Variants in TTC34 observed in about 807,000 individuals in gnomAD.
The protein encoded by TTC34 is tetratricopeptide repeat domain 34.
In TTC34, 44 loss-of-function variants were observed where a neutral mutation model predicts 40.7. That is an observed-to-expected ratio of 1.08 (90% CI 0.85 to 1.39). The LOEUF (loss-of-function observed/expected upper bound fraction) is 1.39, where lower values mean the gene tolerates loss of function less well. TTC34 is among the 40% of genes most tolerant of loss of function. The pLI is 0.00. For missense variants in TTC34, 884 were observed against 838.0 expected (o/e 1.05, Z -0.68); for synonymous variants, 422 against 398.6 (o/e 1.06, Z -0.70).
At chr1:2,656,371 C>CT (rs780302099) in intron 6 of TTC34, among the ~76,000 whole-genome samples, 3,685 of 57,874 alleles carry the variant, frequency 0.064, 1,182 homozygotes, top group South Asian at 0.098. Flanking sequence ...GAACAGCACC[C>CT]ACACCCACAG....
chr1:2,793,626 CGCTTTTTT>C (rs1038550684), intron 2 of TTC34, among the ~76,000 whole-genome samples: 3 of 152,120 alleles, frequency 2.0e-5, no homozygotes, highest in Non-Finnish European at 2.9e-5. Flanking sequence ...ACCTGGGATT[CGCTTTTTT>C]GCAAGGTGAG....
At chr1:2,756,662 C>CG (rs1641516199) in intron 6 of TTC34, among the ~76,000 whole-genome samples, 1 of 116,970 alleles carries the variant, frequency 8.5e-6, no homozygotes. Flanking sequence ...GAACAGCACC[C>CG]ACACCCCCAG....
At chr1:2,786,958 G>C (rs1643598639) in intron 4 of TTC34, among the ~76,000 whole-genome samples, 1 of 152,162 alleles carries the variant, frequency 6.6e-6, no homozygotes, top group Non-Finnish European at 1.5e-5. Flanking sequence ...CAGGCCCCAA[G>C]GCCTGAATCC....
At chr1:2,688,162 C>A in intron 6 of TTC34, among the ~76,000 whole-genome samples, 1 of 152,260 alleles carries the variant, frequency 6.6e-6, no homozygotes, top group Admixed American at 6.5e-5. Context: ...GGAAGGGCAC[C>A]CACACCCCCA....
At position 2,767,994 on chromosome 1, in the gene TTC34, C is replaced by A. The variant is rs1641834278; in HGVS notation, c.2226+15615G>T. On this transcript the variant is annotated intron_variant, in intron 6 of 8. Transcript: ENST00000401095. The stretch of plus-strand genomic sequence containing the variant: ...TCACAGGTGATGTGACTGCGTGGAA[C>A]AGCACGTCCCCTCAGGTGAGCATCT... 1.3e-5 allele frequency among the ~76,000 whole-genome samples: 2 copies of A among 150,590 alleles called. 1 individual carries two copies. The highest frequency in any genetic ancestry group is 3.0e-5 in the Non-Finnish European group (2 of 67,540).
intron 6 of TTC34, among the ~76,000 whole-genome samples, chr1:2,646,881 C>G (rs1267258762): frequency 1.3e-5 from 2 of 152,206 alleles, no homozygotes; most frequent in African/African-American, 4.8e-5. Context: ...TTCCATTTGT[C>G]TAACGGGTCT....
intron 6 of TTC34, among the ~76,000 whole-genome samples, chr1:2,662,387 C>A (rs1639577110): frequency 3.1e-5 from 3 of 96,558 alleles, no homozygotes; most frequent in African/African-American, 9.2e-5. Flanking sequence ...TGGTCTGGAG[C>A]AGCACCCACA....
chr1:2,793,567 G>A (rs1383050960), intron 2 of TTC34, among the ~76,000 whole-genome samples: 1 of 152,126 alleles, frequency 6.6e-6, no homozygotes, highest in African/African-American at 2.4e-5. Flanking sequence ...AAATCTTAAT[G>A]ACATTCTCAG....
At chr1:2,798,960 T>C (rs1328973612) in intron 2 of TTC34, among the ~76,000 whole-genome samples, 1 of 95,966 alleles carries the variant, frequency 1.0e-5, no homozygotes, top group Admixed American at 1.1e-4. Flanking sequence ...CCTCCAAGCC[T>C]GCCAGCCTCC....
chr1:2,688,085 C>A (rs1343056349), intron 6 of TTC34, among the ~76,000 whole-genome samples: 1 of 152,154 alleles, frequency 6.6e-6, no homozygotes, highest in East Asian at 1.9e-4. Flanking sequence ...CAGCACCCTG[C>A]ACCCCCAGGT....
At chr1:2,638,389 T>C (rs780236684) in exon 9 of TTC34, 4 of 152,230 alleles carry the variant, frequency 2.6e-5, no homozygotes, top group Non-Finnish European at 5.9e-5. Context: ...CATTAGCTGC[T>C]GGAAATGACT....
chr1:2,641,532 G>A (rs932385253), exon 9 of TTC34: 12 of 1,534,728 alleles, frequency 7.8e-6, no homozygotes, highest in African/African-American at 4.1e-5. Context: ...AGGAACATGC[G>A]TGCAGTGGGG....
In TTC34 at chr1:2,752,288, C is replaced by T. The variant is rs1641346247; in HGVS notation, c.2226+31321G>A. On this transcript the variant is annotated intron_variant, in intron 6 of 8. Coordinates refer to ENST00000401095, the Ensembl canonical transcript of TTC34. The stretch of plus-strand genomic sequence containing the variant: ...TCTGACAGCCTGGAACAGCACCTTG[C>T]ACCCCCAGGGGAGCATCTGACAGCC... Among the ~76,000 whole-genome samples, 3 of 111,278 alleles carry T rather than the reference C, an allele frequency of 2.7e-5. 1 individual carries two copies. The highest frequency in any genetic ancestry group is 8.4e-5 in the African/African-American group (2 of 23,770). The allele number at this position is 111,278 out of a possible 152,430, so 73.0% of individuals were successfully genotyped here.
At position 2,688,555 on chromosome 1, in the gene TTC34, G is replaced by C. The variant is rs571082225; in HGVS notation, c.2227-42992C>G. Among the ~76,000 whole-genome samples, 234 of 143,500 alleles carry C rather than the reference G, an allele frequency of 1.6e-3. 16 individuals carry two copies. Among genetic ancestry groups the C allele is most frequent in the African/African-American group, 6.5e-3 (227 of 34,784 alleles). The allele number at this position is 143,500 out of a possible 152,430, so 94.1% of individuals were successfully genotyped here. A position where few individuals can be genotyped will look rare whatever the true frequency, so the allele number is the denominator to read the frequency against. On this transcript the variant is annotated intron_variant, in intron 6 of 8. Transcript: ENST00000401095. ...CCCACAGGCGAGCACCTGAACCCAC[G>C]GAGCAGCACCCACACCTTCCGGCGC...
At chr1:2,752,204 C>G (rs1464307304) in intron 6 of TTC34, among the ~76,000 whole-genome samples, 1 of 111,414 alleles carries the variant, frequency 9.0e-6, no homozygotes. Context: ...GGAACAGAAC[C>G]CACACCCCCA....
chr1:2,654,211 C>G (rs1570758235), intron 6 of TTC34, among the ~76,000 whole-genome samples: 2 of 152,170 alleles, frequency 1.3e-5, no homozygotes, highest in African/African-American at 4.8e-5. Flanking sequence ...CACCCACACA[C>G]CCAGGTGAGC....
exon 8 of TTC34, chr1:2,644,321 C>A (rs766408366): frequency 7.8e-6 from 12 of 1,535,660 alleles, no homozygotes; most frequent in African/African-American, 6.8e-5. Context: ...AGCTGAGATC[C>A]GGGGCATCCA....
At chr1:2,789,668 A>G in exon 3 of TTC34, 1 of 1,312,922 alleles carries the variant, frequency 7.6e-7, no homozygotes, top group African/African-American at 1.6e-5. Context: ...GGCGGCCAGC[A>G]GCGCCTCCTC....
intron 6 of TTC34, among the ~76,000 whole-genome samples, chr1:2,755,779 C>T (rs1447665275): frequency 7.5e-6 from 1 of 132,628 alleles, no homozygotes; most frequent in Non-Finnish European, 1.6e-5. Context: ...GAACGGCACC[C>T]ACACCCCCAG....
Sources: allele counts gnomAD v4.1 joint callset (sites outside exome capture counted in the v4.1 genomes callset), GRCh38; gene constraint gnomAD v4.1.1; transcripts MANE v1.5; gene names NCBI Gene and HGNC (gene_info 2026-07-23, HGNC 2026-07-21).